Variants in OSBPL3 observed in about 807,000 individuals in gnomAD.
OSBPL3 encodes the protein oxysterol binding protein like 3.
A neutral mutation model predicts 120.1 loss-of-function variants in OSBPL3; 65 were observed. That is an observed-to-expected ratio of 0.54 (90% CI 0.44 to 0.67). The LOEUF is 0.67. Among genes scored for constraint, OSBPL3 ranks in the 30% least tolerant of loss-of-function variants. The pLI is 0.00. For synonymous variants in OSBPL3, 416 were observed against 402.6 expected, an observed-to-expected ratio of 1.03 and a Z score of -0.40; for missense variants, 1,004 against 1,082.1, an observed-to-expected ratio of 0.93 and a Z score of 1.01.
chr7:24,800,356 C>G (rs1030480742), intron 22 of OSBPL3, 77 bp from the exon 23 acceptor site: 10 of 780,016 alleles, frequency 1.3e-5, no homozygotes, highest in Non-Finnish European at 2.2e-5. Context: ...TTCCTAACCT[C>G]CCTGCTTTCC....
At chr7:24,886,729 T>C (rs913488101) in intron 2 of OSBPL3, among the ~76,000 whole-genome samples, 23 of 152,196 alleles carry the variant, frequency 1.5e-4, no homozygotes, top group Admixed American at 3.3e-4. Flanking sequence ...GGAAAGACGA[T>C]GGCAGTGTTA....
Position 24,860,410 on chromosome 7 carries a change from C to T in OSBPL3, c.1027+1203G>A, listed in dbSNP as rs554621303. 5.3e-5 allele frequency among the ~76,000 whole-genome samples: 8 copies of T among 152,262 alleles called. No individual in the cohort carries two copies. The East Asian group carries it at 7.7e-4, about 15-fold the overall frequency. ...GACTCAGTGAAGGATAATTGAATCA[C>T]GGGGGTGGCTTCCCAAATACTGTTC... On this transcript the variant is annotated intron_variant, in intron 10 of 22. Transcript: ENST00000313367.
At chr7:24,868,305 A>G (rs918937344) in intron 5 of OSBPL3, among the ~76,000 whole-genome samples, 1 of 150,674 alleles carries the variant, frequency 6.6e-6, no homozygotes, top group Non-Finnish European at 1.5e-5. Context: ...TGATGGAGCA[A>G]GACTCCGTCT....
chr7:24,957,225 A>G (rs969537438), intron 1 of OSBPL3, among the ~76,000 whole-genome samples: 2 of 151,914 alleles, frequency 1.3e-5, no homozygotes, highest in Non-Finnish European at 2.9e-5. Context: ...GAACAGACAA[A>G]AAAAAAAAAA....
Position 24,916,072 on chromosome 7 carries a change from G to A in OSBPL3, c.-149-23451C>T, listed in dbSNP as rs533744586. Among the ~76,000 whole-genome samples the A allele has an allele frequency of 5.3e-5, 8 of 152,294 alleles. No individual in the cohort carries two copies. The highest frequency in any genetic ancestry group is 1.4e-4 in the African/African-American group (6 of 41,566). ...GCAGGGACAAAGGGAGAAGGCACTCGATGTTTATCATGTTGTCCTGTTATT... is the reference window on the plus strand; with the variant it reads ...GCAGGGACAAAGGGAGAAGGCACTCAATGTTTATCATGTTGTCCTGTTATT... On this transcript the variant is annotated intron_variant, in intron 1 of 22. Transcript: ENST00000313367. The surrounding 1 kb of genome is among the most constrained non-coding windows in gnomAD (Gnocchi z 4.9).
In OSBPL3 at chr7:24,903,484, G is replaced by A. The variant is rs149730001; in HGVS notation, c.-149-10863C>T. On this transcript the variant is annotated intron_variant, in intron 1 of 22. Coordinates refer to ENST00000313367, the MANE Select transcript of OSBPL3 (RefSeq NM_015550.4). ...AGGCAGATTGGGAGAAGAAGGGAAA[G>A]ATAATTTCCAAATGATTTCTATGCA... is the stretch of plus-strand genomic sequence containing the variant. Among the ~76,000 whole-genome samples the A allele has an allele frequency of 1.2e-3, 178 of 152,338 alleles. 1 individual carries two copies. Among genetic ancestry groups the A allele is most frequent in the African/African-American group, 3.9e-3 (162 of 41,576 alleles).
intron 2 of OSBPL3, among the ~76,000 whole-genome samples, chr7:24,875,318 T>C (rs1467232248): frequency 2.0e-5 from 3 of 152,248 alleles, no homozygotes; most frequent in African/African-American, 4.8e-5. Flanking sequence ...CTGAAGGCCA[T>C]GCTATTTGAG....
chr7:24,957,945 T>C (rs1484845339), intron 1 of OSBPL3, among the ~76,000 whole-genome samples: 1 of 152,074 alleles, frequency 6.6e-6, no homozygotes, highest in Non-Finnish European at 1.5e-5. Context: ...TTAGAGACTG[T>C]TCCATATCAA....
rs1816204316 is a variant in OSBPL3, at chr7:24,964,922, A to C, written c.-150+14964T>G. Among the ~76,000 whole-genome samples the C allele has an allele frequency of 6.6e-6, 1 of 152,200 alleles. No homozygotes were observed. Among genetic ancestry groups the C allele is most frequent in the Non-Finnish European group, 1.5e-5 (1 of 68,030 alleles). ...ACATTGAGCAATACCTAAGCAGATG[A>C]TCTCTAAGCTTTTTACTAGCTTTAA... On this transcript the variant is annotated intron_variant, in intron 1 of 22. Transcript: ENST00000313367. This position sits in a 1 kb window ranked among gnomAD's most constrained non-coding sequence, Gnocchi z 4.2.
At chr7:24,829,666 G>A (rs1211504768) in intron 16 of OSBPL3, among the ~76,000 whole-genome samples, 1 of 152,196 alleles carries the variant, frequency 6.6e-6, no homozygotes, top group East Asian at 1.9e-4. Flanking sequence ...GGGATATACA[G>A]AGAGTGGACG....
At chr7:24,931,835 C>T (rs1202729690) in intron 1 of OSBPL3, among the ~76,000 whole-genome samples, 4 of 151,990 alleles carry the variant, frequency 2.6e-5, no homozygotes, top group African/African-American at 9.7e-5. Context: ...TGATGAACAA[C>T]AAACACTTGC....
chr7:24,967,927 G>T lies in OSBPL3; in HGVS notation c.-150+11959C>A, dbSNP rs1816573260. Among the ~76,000 whole-genome samples, 1 of 152,126 alleles carries T rather than the reference G, an allele frequency of 6.6e-6. No individual in the cohort carries two copies. The highest frequency in any genetic ancestry group is 2.1e-4 in the South Asian group (1 of 4,822). On this transcript the variant is annotated intron_variant, in intron 1 of 22. Coordinates refer to ENST00000313367, the MANE Select transcript of OSBPL3 (RefSeq NM_015550.4). This position sits in a 1 kb window ranked among gnomAD's most constrained non-coding sequence, Gnocchi z 5.6. ...AACCAAAAGCACTCTCTTTCTCTAA[G>T]ATCTACTCATCTTCCTATTTTCCCC...
intron 1 of OSBPL3, among the ~76,000 whole-genome samples, chr7:24,934,847 A>G (rs1021067634): frequency 6.6e-6 from 1 of 152,196 alleles, no homozygotes; most frequent in Admixed American, 6.5e-5. Flanking sequence ...GAAACGCCAG[A>G]AATTATAATT....
intron 1 of OSBPL3, among the ~76,000 whole-genome samples, chr7:24,978,057 G>A (rs1344334738): frequency 6.6e-6 from 1 of 152,168 alleles, no homozygotes. Context: ...ATTCGAAGAG[G>A]TCAAGCACAA....
intron 5 of OSBPL3, among the ~76,000 whole-genome samples, chr7:24,870,121 G>T (rs1350429366): frequency 6.6e-6 from 1 of 152,130 alleles, no homozygotes; most frequent in African/African-American, 2.4e-5. Flanking sequence ...AGATTAACTT[G>T]CCAAAGTTCA....
chr7:24,843,185 G>A (rs56804943), intron 12 of OSBPL3, among the ~76,000 whole-genome samples: 2,848 of 152,216 alleles, frequency 0.019, 88 homozygotes, highest in African/African-American at 0.064. Context: ...GACAAGGTTT[G>A]TGGACTGAAT....
At chr7:24,941,017 C>T (rs1314926331) in intron 1 of OSBPL3, among the ~76,000 whole-genome samples, 1 of 152,110 alleles carries the variant, frequency 6.6e-6, no homozygotes, top group Non-Finnish European at 1.5e-5. Context: ...GACGGGGTTT[C>T]ACCATGTTAG....
At chr7:24,865,700 T>A in intron 6 of OSBPL3, among the ~76,000 whole-genome samples, 1 of 152,216 alleles carries the variant, frequency 6.6e-6, no homozygotes, top group African/African-American at 2.4e-5. Flanking sequence ...TATCAAATAT[T>A]AATAACATCA....
chr7:24,837,468 T>C (rs1200531933), intron 14 of OSBPL3, among the ~76,000 whole-genome samples: 4 of 152,154 alleles, frequency 2.6e-5, no homozygotes, highest in African/African-American at 9.7e-5. Context: ...CCTCCCAAAG[T>C]GTTGGGATTA....
Sources: gnomAD v4.1 joint callset for allele counts (sites outside exome capture counted in the v4.1 genomes callset) on GRCh38, gnomAD v4.1.1 for gene constraint, Gnocchi (gnomAD v3.1) non-coding constraint, MANE v1.5 for transcripts, NCBI Gene and HGNC (gene_info 2026-07-23, HGNC 2026-07-21) for gene names.